The following SCAPER variants were observed in gnomAD, a reference collection of about 807,000 sequenced individuals.
SCAPER encodes the protein S-phase cyclin A associated protein in the ER.
Under a neutral mutation model 182.2 loss-of-function variants are expected in SCAPER, and 98 were observed. That is an observed-to-expected ratio of 0.54 (90% CI 0.46 to 0.64). The LOEUF is 0.64. Ranked by LOEUF, SCAPER falls within the 30% of genes least tolerant of loss-of-function variation. The probability of loss-of-function intolerance (pLI) is 0.00; values close to 1 mark genes in which losing one functional copy is unlikely to be tolerated. For missense variants in SCAPER, 1,432 were observed against 1,690.0 expected, an observed-to-expected ratio of 0.85 and a Z score of 2.68; for synonymous variants, 605 against 564.6, an observed-to-expected ratio of 1.07 and a Z score of -1.01.
At chr15:76,771,490 GATCAAATCAC>G in intron 10 of SCAPER, among the ~76,000 whole-genome samples, 1 of 152,028 alleles carries the variant, frequency 6.6e-6, no homozygotes, top group Non-Finnish European at 1.5e-5. Flanking sequence ...AAGAGCATTT[GATCAAATCAC>G]ATACAAACCA....
intron 15 of SCAPER, among the ~76,000 whole-genome samples, chr15:76,737,620 G>T (rs2061340250): frequency 6.6e-6 from 1 of 152,202 alleles, no homozygotes; most frequent in South Asian, 2.1e-4. Context: ...TTGAAGATTT[G>T]AAGCCAAGCT....
At chr15:76,757,760 C>T (rs1426435109) in intron 14 of SCAPER, among the ~76,000 whole-genome samples, 2 of 152,098 alleles carry the variant, frequency 1.3e-5, no homozygotes, top group Non-Finnish European at 2.9e-5. Context: ...CCACATCCTC[C>T]CCAATACTTG....
chr15:76,517,103 A>C (rs1329467413), intron 23 of SCAPER, among the ~76,000 whole-genome samples: 2 of 152,042 alleles, frequency 1.3e-5, no homozygotes, highest in Non-Finnish European at 2.9e-5. Flanking sequence ...TTACACCAAG[A>C]GTGCTGTGGG....
At chr15:76,718,904 T>A (rs1168468397) in intron 17 of SCAPER, among the ~76,000 whole-genome samples, 1 of 152,044 alleles carries the variant, frequency 6.6e-6, no homozygotes, top group Non-Finnish European at 1.5e-5. Flanking sequence ...AAAAAACAAA[T>A]GTTGGTGAGG....
chr15:76,404,684 A>G lies in SCAPER; in HGVS notation c.3312-5T>C, dbSNP rs780081455. 1 of 1,608,146 alleles carries G rather than the reference A, an allele frequency of 6.2e-7. No individual in the cohort carries two copies. Among genetic ancestry groups the G allele is most frequent in the Non-Finnish European group, 8.5e-7 (1 of 1,177,314 alleles). On this transcript the variant is annotated splice_region_variant and splice_polypyrimidine_tract_variant and intron_variant, in intron 26 of 31. Transcript: ENST00000563290. ...AGACCCATGTTCACCACGTAGCTAG[A>G]TATGGGGGAGAAATGCATGTTATCA...
chr15:76,692,758 A>C (rs2058443382), intron 20 of SCAPER, among the ~76,000 whole-genome samples: 1 of 151,622 alleles, frequency 6.6e-6, no homozygotes, highest in Non-Finnish European at 1.5e-5. Context: ...AATGAAAGGA[A>C]GAAAAATAAC....
At position 76,665,684 on chromosome 15, in the gene SCAPER, CTTT is replaced by C; in HGVS notation, c.2611_2613del (p.Lys871del). 1.3e-6 allele frequency: 2 copies of C among 1,583,256 alleles called. No homozygotes were observed. The highest frequency in any genetic ancestry group is 4.5e-5 in the East Asian group (2 of 44,254). Reference sequence around the variant, plus strand: ...TTCATCCGGGCTTTTATCTTTTTGGCTTTTTTTTTATTTTTTTGCCGCTCTTCT... The same window carrying C: ...TTCATCCGGGCTTTTATCTTTTTGGCTTTTTTATTTTTTTGCCGCTCTTCT... On this transcript the variant is annotated inframe_deletion, in exon 21 of 32. Coordinates refer to ENST00000563290, the MANE Select transcript of SCAPER (RefSeq NM_020843.4).
intron 17 of SCAPER, 87 bp from the exon 18 acceptor site, chr15:76,706,071 G>T (rs1020555682): frequency 3.0e-6 from 3 of 989,848 alleles, no homozygotes; most frequent in African/African-American, 3.3e-5. Context: ...GACACATAGG[G>T]TCATATAGTC....
At chr15:76,612,420 G>A (rs1462592294) in intron 22 of SCAPER, among the ~76,000 whole-genome samples, 1 of 152,070 alleles carries the variant, frequency 6.6e-6, no homozygotes, top group South Asian at 2.1e-4. Context: ...TGTATTTTTA[G>A]TAGAGAAAGG....
rs190420698 is a variant in SCAPER at position 76,753,124 on chromosome 15, A to G, written c.1866+684T>C. 6.0e-3 allele frequency among the ~76,000 whole-genome samples: 913 copies of G among 151,950 alleles called. 9 individuals carry two copies. The highest frequency in any genetic ancestry group is 7.9e-3 in the Non-Finnish European group (538 of 67,728). The stretch of plus-strand genomic sequence containing the variant: ...CAATCCACTCCTAGGTTTTTATAAA[A>G]TAAAAATGAAAGTACACATCTGCAC... On this transcript the variant is annotated intron_variant, in intron 15 of 31. Coordinates refer to ENST00000563290, the MANE Select transcript of SCAPER (RefSeq NM_020843.4).
intron 4 of SCAPER, among the ~76,000 whole-genome samples, chr15:76,848,914 T>A (rs1294524082): frequency 2.0e-5 from 3 of 152,032 alleles, no homozygotes; most frequent in Non-Finnish European, 2.9e-5. Context: ...ACCCCAGCCA[T>A]GGCTGAGCAT....
intron 15 of SCAPER, among the ~76,000 whole-genome samples, chr15:76,751,728 C>A (rs935696445): frequency 3.3e-5 from 5 of 151,438 alleles, no homozygotes; most frequent in African/African-American, 1.2e-4. Context: ...GAAATTAACT[C>A]GAAATGGATC....
intron 29 of SCAPER, among the ~76,000 whole-genome samples, chr15:76,371,643 G>A (rs1344400594): frequency 1.3e-5 from 2 of 151,520 alleles, no homozygotes; most frequent in Admixed American, 6.6e-5. Context: ...ATACGGCCGG[G>A]TGTGGTGGCT....
chr15:76,748,160 T>G (rs1444977906), intron 15 of SCAPER, among the ~76,000 whole-genome samples: 1 of 152,052 alleles, frequency 6.6e-6, no homozygotes, highest in Non-Finnish European at 1.5e-5. Flanking sequence ...CGCGCTAATT[T>G]TGTATTTTTA....
rs150777817 is a variant in SCAPER at position 76,363,604 on chromosome 15, T to A, written c.3856-9464A>T. 5.4e-3 allele frequency among the ~76,000 whole-genome samples: 823 copies of A among 152,312 alleles called. 13 individuals carry two copies. The highest frequency in any genetic ancestry group is 0.019 in the African/African-American group (783 of 41,566). ...AGTCAGAAATGTAAATAGTTAAATT[T>A]CACCAGGGCAAATTCTTTATGCCTA... is the stretch of plus-strand genomic sequence containing the variant. On this transcript the variant is annotated intron_variant, in intron 29 of 31. Coordinates refer to ENST00000563290, the MANE Select transcript of SCAPER (RefSeq NM_020843.4).
intron 20 of SCAPER, among the ~76,000 whole-genome samples, chr15:76,667,033 C>G (rs2056626394): frequency 6.6e-6 from 1 of 152,160 alleles, no homozygotes; most frequent in African/African-American, 2.4e-5. Flanking sequence ...TTGTATGTCT[C>G]TGATCAGCTA....
intron 8 of SCAPER, among the ~76,000 whole-genome samples, chr15:76,782,313 G>C (rs113056909): frequency 4.7e-4 from 71 of 152,220 alleles, no homozygotes; most frequent in African/African-American, 1.6e-3. Context: ...CTAGTAAAGG[G>C]ATCAATTCAA....
intron 20 of SCAPER, among the ~76,000 whole-genome samples, chr15:76,682,225 C>A (rs578019768): frequency 1.3e-5 from 2 of 152,094 alleles, no homozygotes; most frequent in East Asian, 3.9e-4. Flanking sequence ...ATACCCACAT[C>A]TGTGACAGTG....
At position 76,663,590 on chromosome 15, in the gene SCAPER, T is replaced by TA. The variant is rs1020335941; in HGVS notation, c.2645+2062dup. Among the ~76,000 whole-genome samples, 542 of 143,806 alleles carry TA rather than the reference T, an allele frequency of 3.8e-3. 2 individuals carry two copies. The highest frequency in any genetic ancestry group is 0.011 in the African/African-American group (416 of 39,280). The allele number at this position is 143,806 out of a possible 152,430, so 94.3% of individuals were successfully genotyped here. A position where few individuals can be genotyped will look rare whatever the true frequency, so the allele number is the denominator to read the frequency against. On this transcript the variant is annotated intron_variant, in intron 21 of 31. Transcript: ENST00000563290. ...AAACCTCAAAAACAGTATAATCAGT[T>TA]AAAAAAAAAAAGCCAGCTGCAAAAG... is the stretch of plus-strand genomic sequence containing the variant.
Sources: gnomAD v4.1 joint callset for allele counts (sites outside exome capture counted in the v4.1 genomes callset) on GRCh38, gnomAD v4.1.1 for gene constraint, MANE v1.5 for transcripts, NCBI Gene and HGNC (gene_info 2026-07-23, HGNC 2026-07-21) for gene names.